PVALEF: variants seen among roughly 807,000 people sequenced by gnomAD.
PVALEF encodes the protein parvalbumin-like EF-hand-containing protein.
In PVALEF, 2 loss-of-function variants were observed where a neutral mutation model predicts 1.2. The ratio of observed to expected loss-of-function variants is 1.68; its 90% CI spans 0.69 to 5.28. The LOEUF (loss-of-function observed/expected upper bound fraction) is 5.28. Among genes scored for constraint, PVALEF ranks in the 30% most tolerant of loss-of-function variants. PVALEF has a pLI of 0.06. For synonymous variants in PVALEF, 16 were observed against 6.5 expected, an observed-to-expected ratio of 2.47 and a Z score of -2.24; for missense variants, 35 against 17.7, an observed-to-expected ratio of 1.97 and a Z score of -1.75.
intron 6 of PVALEF, 146 bp downstream of exon 6, chr17:81,182,227 GT>G: frequency 2.5e-6 from 1 of 396,398 alleles, no homozygotes. Context: ...GGGAGTCTAG[GT>G]GCTCTTCCCT....
At chr17:81,170,301 GTC>G (rs1475713249) in intron 2 of PVALEF, among the ~76,000 whole-genome samples, 1 of 151,530 alleles carries the variant, frequency 6.6e-6, no homozygotes, top group Non-Finnish European at 1.5e-5. Context: ...GTATATGTGT[GTC>G]TGTGTTGGTA....
chr17:81,168,881 C>T (rs1471694767), intron 2 of PVALEF, among the ~76,000 whole-genome samples: 1 of 152,156 alleles, frequency 6.6e-6, no homozygotes, highest in Non-Finnish European at 1.5e-5. Flanking sequence ...CAGTTATGCC[C>T]ATCCACAGAT....
At chr17:81,177,455 G>A (rs1409720357) in intron 2 of PVALEF, among the ~76,000 whole-genome samples, 1 of 151,806 alleles carries the variant, frequency 6.6e-6, no homozygotes, top group Admixed American at 6.6e-5. Context: ...GTTTGAGACA[G>A]GAGAACTGCT....
chr17:81,173,360 G>A (rs1482697682), intron 2 of PVALEF, among the ~76,000 whole-genome samples: 2 of 152,166 alleles, frequency 1.3e-5, no homozygotes, highest in Non-Finnish European at 2.9e-5. Context: ...TGGCCAACCT[G>A]CATGTCCTGG....
intron 6 of PVALEF, among the ~76,000 whole-genome samples, chr17:81,182,409 C>A (rs561620807): frequency 1.3e-5 from 2 of 152,232 alleles, no homozygotes; most frequent in Non-Finnish European, 2.9e-5. Flanking sequence ...CACCCCCACA[C>A]AACCCCAGTG....
At chr17:81,174,066 G>A (rs2061529036) in intron 2 of PVALEF, among the ~76,000 whole-genome samples, 1 of 152,132 alleles carries the variant, frequency 6.6e-6, no homozygotes, top group South Asian at 2.1e-4. Context: ...CTCAACCAAT[G>A]CAGAAAAAGA....
At chr17:81,174,954 A>AAG (rs1222901046) in intron 2 of PVALEF, among the ~76,000 whole-genome samples, 1 of 151,942 alleles carries the variant, frequency 6.6e-6, no homozygotes, top group Non-Finnish European at 1.5e-5. Context: ...GTCTCAAAAA[A>AAG]AAAAAAAAAA....
chr17:81,168,140 G>A (rs1211246311), intron 2 of PVALEF, among the ~76,000 whole-genome samples: 1 of 152,224 alleles, frequency 6.6e-6, no homozygotes, highest in Non-Finnish European at 1.5e-5. Flanking sequence ...AGGGGGAGGT[G>A]GCCAGTGGCC....
intron 2 of PVALEF, among the ~76,000 whole-genome samples, chr17:81,173,450 G>T (rs1347343504): frequency 6.6e-6 from 1 of 152,206 alleles, no homozygotes; most frequent in African/African-American, 2.4e-5. Context: ...AGCAGGTGGG[G>T]TGGGAGCTCA....
chr17:81,173,375 C>T (rs536305615), intron 2 of PVALEF, among the ~76,000 whole-genome samples: 30 of 152,306 alleles, frequency 2.0e-4, no homozygotes, highest in African/African-American at 6.5e-4. Flanking sequence ...TCCTGGGAGA[C>T]GCTGCCAGGC....
intron 2 of PVALEF, among the ~76,000 whole-genome samples, chr17:81,176,504 C>G (rs2061536009): frequency 6.6e-6 from 1 of 151,030 alleles, no homozygotes; most frequent in Non-Finnish European, 1.5e-5. Flanking sequence ...GGTGACAGAG[C>G]AAATCTCCAT....
intron 2 of PVALEF, among the ~76,000 whole-genome samples, chr17:81,168,412 C>A (rs563246165): frequency 6.6e-6 from 1 of 152,276 alleles, no homozygotes; most frequent in South Asian, 2.1e-4. Flanking sequence ...TCCCACCCTA[C>A]GTAACCAGAG....
At chr17:81,175,681 T>G (rs2061534005) in intron 2 of PVALEF, among the ~76,000 whole-genome samples, 1 of 152,070 alleles carries the variant, frequency 6.6e-6, no homozygotes, top group Non-Finnish European at 1.5e-5. Context: ...GACCATTCAA[T>G]GGGGAAAAAA....
intron 2 of PVALEF, among the ~76,000 whole-genome samples, chr17:81,178,683 G>T (rs930486455): frequency 1.3e-5 from 2 of 151,958 alleles, no homozygotes; most frequent in African/African-American, 2.4e-5. Context: ...CAGAGCTGGG[G>T]GGGGCAGGGT....
chr17:81,165,874 C>T, intron 1 of PVALEF, 127 bp downstream of exon 1: 1 of 1,546,082 alleles, frequency 6.5e-7, no homozygotes, highest in Non-Finnish European at 8.7e-7. Context: ...CCGTGGGGCC[C>T]AGGGGCATCA....
chr17:81,179,981 C>T (rs918859117), intron 3 of PVALEF, among the ~76,000 whole-genome samples: 3 of 152,156 alleles, frequency 2.0e-5, no homozygotes, highest in South Asian at 2.1e-4. Flanking sequence ...GCTTGTGTGG[C>T]GTCCCGCAGC....
chr17:81,172,913 T>C (rs999197420), intron 2 of PVALEF, among the ~76,000 whole-genome samples: 31 of 151,556 alleles, frequency 2.0e-4, no homozygotes, highest in Non-Finnish European at 2.9e-4. Flanking sequence ...CTCAGCTCTG[T>C]GTAAGAACCA....
At chr17:81,168,459 G>T (rs1388629185) in intron 2 of PVALEF, among the ~76,000 whole-genome samples, 1 of 152,194 alleles carries the variant, frequency 6.6e-6, no homozygotes, top group Non-Finnish European at 1.5e-5. Flanking sequence ...GGCCCTCTGA[G>T]ATTTCGCTGG....
intron 3 of PVALEF, 124 bp downstream of exon 3, chr17:81,179,276 G>A (rs1043819997): frequency 2.9e-5 from 7 of 237,364 alleles, no homozygotes; most frequent in African/African-American, 4.6e-5. Flanking sequence ...GACCCCAGGG[G>A]ACCCAGGGGA....
Sources: gnomAD v4.1 joint callset for allele counts (sites outside exome capture counted in the v4.1 genomes callset) on GRCh38, gnomAD v4.1.1 for gene constraint, MANE v1.5 for transcripts, NCBI Gene and HGNC (gene_info 2026-07-23, HGNC 2026-07-21) for gene names.